RPS6KC1: variants seen among roughly 807,000 people sequenced by gnomAD.
RPS6KC1 encodes the protein inactive ribosomal protein S6 kinase delta-1.
RPS6KC1 carries 54 observed loss-of-function variants against 103.8 expected under a neutral mutation model. The observed-to-expected ratio is 0.52, with a 90% CI of 0.42 to 0.65. The LOEUF (loss-of-function observed/expected upper bound fraction) is 0.65. Ranked by LOEUF, RPS6KC1 falls within the 30% of genes least tolerant of loss-of-function variation. The pLI is 0.00. For missense variants in RPS6KC1, 1,151 were observed against 1,253.8 expected, an observed-to-expected ratio of 0.92 and a Z score of 1.24; for synonymous variants, 439 against 438.7, an observed-to-expected ratio of 1.00 and a Z score of -0.01.
chr1:213,613,558 C>A, the RPS6KC1 span, among the ~76,000 whole-genome samples: 1 of 152,190 alleles, frequency 6.6e-6, no homozygotes, highest in Non-Finnish European at 1.5e-5. Context: ...GAACTGATAC[C>A]ATAATTGGCA....
chr1:213,577,620 G>T, the RPS6KC1 span, among the ~76,000 whole-genome samples: 1 of 152,134 alleles, frequency 6.6e-6, no homozygotes, highest in Non-Finnish European at 1.5e-5. Context: ...GGAACTTATT[G>T]GGAACTGGGG....
the RPS6KC1 span, among the ~76,000 whole-genome samples, chr1:213,630,531 C>A: frequency 6.6e-6 from 1 of 152,158 alleles, no homozygotes; most frequent in Non-Finnish European, 1.5e-5. Context: ...CGAACTTCCT[C>A]CTTTAGCTCG....
At chr1:213,343,436 T>TACACAC in the RPS6KC1 span, among the ~76,000 whole-genome samples, 1 of 86,750 alleles carries the variant, frequency 1.2e-5, no homozygotes, top group Non-Finnish European at 2.5e-5. Flanking sequence ...TATATATATA[T>TACACAC]ATATACATAC....
the RPS6KC1 span, among the ~76,000 whole-genome samples, chr1:213,666,937 G>A: frequency 3.3e-5 from 5 of 152,212 alleles, no homozygotes; most frequent in South Asian, 8.3e-4. Context: ...TTCCCAGTTC[G>A]TGAGTGATGG....
intron 4 of RPS6KC1, 62 bp from the exon 5 acceptor site, chr1:213,117,255 T>C (rs1375466596): frequency 2.1e-6 from 2 of 957,030 alleles, no homozygotes; most frequent in Non-Finnish European, 3.3e-6. Context: ...GATAACTATT[T>C]TTTATTTAGT....
At chr1:213,497,303 T>C in the RPS6KC1 span, among the ~76,000 whole-genome samples, 121 of 152,186 alleles carry the variant, frequency 8.0e-4, no homozygotes, top group African/African-American at 2.7e-3. Flanking sequence ...CTCAACAAAC[T>C]TCGCAGAGCA....
intron 12 of RPS6KC1, among the ~76,000 whole-genome samples, chr1:213,259,734 A>ATTTTTTTTTTTT (rs71147063): frequency 2.0e-5 from 2 of 97,918 alleles, no homozygotes; most frequent in Admixed American, 1.5e-4. Context: ...TGTTTTTTTA[A>ATTTTTTTTTTTT]TTTTTTTTTT....
the RPS6KC1 span, among the ~76,000 whole-genome samples, chr1:213,746,641 G>C: frequency 3.3e-5 from 5 of 152,204 alleles, no homozygotes; most frequent in African/African-American, 2.4e-5. Context: ...TTGGGAGGCT[G>C]TATTGAGAAT....
At chr1:213,150,766 C>T (rs986093144) in intron 6 of RPS6KC1, among the ~76,000 whole-genome samples, 92 of 152,380 alleles carry the variant, frequency 6.0e-4, no homozygotes, top group African/African-American at 2.0e-3. Flanking sequence ...CCCCACCTTT[C>T]CTGCCTTTCT....
At chr1:213,140,894 AT>A (rs1207181226) in intron 6 of RPS6KC1, among the ~76,000 whole-genome samples, 6 of 101,182 alleles carry the variant, frequency 5.9e-5, no homozygotes, top group Admixed American at 3.1e-4. Context: ...GTACCTCCTC[AT>A]TTTTTTTTTC....
At chr1:213,539,215 C>T in the RPS6KC1 span, among the ~76,000 whole-genome samples, 1 of 152,210 alleles carries the variant, frequency 6.6e-6, no homozygotes, top group African/African-American at 2.4e-5. Context: ...TGGAGATGGG[C>T]TACCCACCAG....
At chr1:213,445,148 AG>A in the RPS6KC1 span, among the ~76,000 whole-genome samples, 1 of 152,174 alleles carries the variant, frequency 6.6e-6, no homozygotes, top group Non-Finnish European at 1.5e-5. Flanking sequence ...TAATGTTTTC[AG>A]GGTTCATTCA....
chr1:213,629,271 A>G, the RPS6KC1 span, among the ~76,000 whole-genome samples: 1 of 151,958 alleles, frequency 6.6e-6, no homozygotes, highest in Non-Finnish European at 1.5e-5. Flanking sequence ...GTGCTCCTGT[A>G]TTGGGTGCAT....
the RPS6KC1 span, among the ~76,000 whole-genome samples, chr1:213,775,059 A>G: frequency 6.6e-6 from 1 of 152,208 alleles, no homozygotes; most frequent in African/African-American, 2.4e-5. Flanking sequence ...TGGAGACCTG[A>G]CAGAAGAGAG....
At chr1:213,828,662 G>T in the RPS6KC1 span, among the ~76,000 whole-genome samples, 9 of 152,152 alleles carry the variant, frequency 5.9e-5, no homozygotes, top group Non-Finnish European at 1.3e-4. Flanking sequence ...AACTGAAAAA[G>T]ATCTTAGAGA....
At chr1:213,453,714 AGT>A in the RPS6KC1 span, among the ~76,000 whole-genome samples, 1 of 152,212 alleles carries the variant, frequency 6.6e-6, no homozygotes, top group African/African-American at 2.4e-5. Flanking sequence ...TGAACAAGTC[AGT>A]GCCTTTGGTT....
the RPS6KC1 span, among the ~76,000 whole-genome samples, chr1:213,852,182 G>A: frequency 6.6e-6 from 1 of 151,864 alleles, no homozygotes; most frequent in African/African-American, 2.4e-5. Context: ...AATCACTTCT[G>A]TGCTTAAAAC....
chr1:213,347,695 C>A, the RPS6KC1 span, among the ~76,000 whole-genome samples: 1 of 152,086 alleles, frequency 6.6e-6, no homozygotes. Context: ...CAGAGTGAGA[C>A]CCTGTCCCTA....
the RPS6KC1 span, among the ~76,000 whole-genome samples, chr1:213,651,862 T>C: frequency 6.6e-6 from 1 of 152,204 alleles, no homozygotes; most frequent in South Asian, 2.1e-4. Flanking sequence ...GAGCTCCTTG[T>C]GTGCCGAGCT....
Sources: allele counts gnomAD v4.1 joint callset (sites outside exome capture counted in the v4.1 genomes callset), GRCh38; gene constraint gnomAD v4.1.1; transcripts MANE v1.5; gene names NCBI Gene and HGNC (gene_info 2026-07-23, HGNC 2026-07-21).